The following DGLUCY variants were observed in gnomAD, a reference collection of about 807,000 sequenced individuals.
DGLUCY encodes D-glutamate cyclase.
DGLUCY carries 58 observed loss-of-function variants against 58.5 expected under a neutral mutation model. That is an observed-to-expected ratio of 0.99 (90% CI 0.80 to 1.23). DGLUCY has a LOEUF of 1.23. Ranked by LOEUF, DGLUCY falls within the 50% of genes most tolerant of loss-of-function variation. The pLI is 0.00. For missense variants in DGLUCY, 779 were observed against 784.7 expected, an observed-to-expected ratio of 0.99 and a Z score of 0.09; for synonymous variants, 325 against 314.1, an observed-to-expected ratio of 1.03 and a Z score of -0.37.
chr14:91,075,421 G>T, intron 1 of DGLUCY, among the ~76,000 whole-genome samples: 1 of 152,146 alleles, frequency 6.6e-6, no homozygotes, highest in Admixed American at 6.5e-5. Flanking sequence ...GGGATGGCAG[G>T]CATGAGCCAC....
intron 12 of DGLUCY, among the ~76,000 whole-genome samples, chr14:91,206,168 G>T (rs1884663334): frequency 6.6e-6 from 1 of 151,740 alleles, no homozygotes; most frequent in Non-Finnish European, 1.5e-5. Context: ...CCTTTCTTCA[G>T]CCTTCCACGT....
chr14:91,139,325 A>G (rs1269911957), intron 1 of DGLUCY, among the ~76,000 whole-genome samples: 1 of 152,136 alleles, frequency 6.6e-6, no homozygotes, highest in Non-Finnish European at 1.5e-5. Flanking sequence ...TAAGGATGGG[A>G]TCCTCCTTAC....
In DGLUCY at chr14:91,121,445, T is replaced by C. The variant is rs552241017; in HGVS notation, c.-82+7162T>C. Among the ~76,000 whole-genome samples the C allele has an allele frequency of 5.3e-5, 8 of 152,036 alleles. No individual in the cohort carries two copies. In the East Asian group the frequency reaches 9.6e-4, roughly 18 times the overall value. On this transcript the variant is annotated intron_variant, in intron 1 of 13. Coordinates refer to ENST00000256324, the MANE Select transcript of DGLUCY (RefSeq NM_001102368.3). Reference sequence around the variant, plus strand: ...GGCTCACGCCTGTAATCTCAGCACGTTGGGAGGCCGAGGTGGGTGGATCAC... The same window carrying C: ...GGCTCACGCCTGTAATCTCAGCACGCTGGGAGGCCGAGGTGGGTGGATCAC...
In DGLUCY at chr14:91,179,705, C is replaced by T. The variant is rs181337129; in HGVS notation, c.731-1481C>T. 5.1e-3 allele frequency among the ~76,000 whole-genome samples: 753 copies of T among 148,146 alleles called. 6 individuals are homozygous for T. The highest frequency in any genetic ancestry group is 0.017 in the African/African-American group (664 of 40,066). On this transcript the variant is annotated intron_variant, in intron 7 of 13. Coordinates refer to ENST00000256324, the MANE Select transcript of DGLUCY (RefSeq NM_001102368.3). ...GGCAGAGGTTGCAGTGAGCCGAGAT[C>T]GCACCACTGCACTCCAACCTGGGCG...
At chr14:91,160,542 C>G (rs1434633134) in intron 3 of DGLUCY, 145 bp downstream of exon 3, 3 of 642,892 alleles carry the variant, frequency 4.7e-6, no homozygotes, top group Admixed American at 6.0e-5. Flanking sequence ...GATATTAGCT[C>G]TGGTCACTAT....
chr14:91,069,199 A>C (rs1235798288), intron 1 of DGLUCY, among the ~76,000 whole-genome samples: 1 of 152,206 alleles, frequency 6.6e-6, no homozygotes, highest in African/African-American at 2.4e-5. Context: ...GAAAATGCAG[A>C]CCTCAGACTC....
At position 91,204,705 on chromosome 14, in the gene DGLUCY, G is replaced by C; in HGVS notation, c.1445-1G>C. 2 of 1,613,836 alleles carry C rather than the reference G, an allele frequency of 1.2e-6. No homozygotes were observed. Among genetic ancestry groups the C allele is most frequent in the African/African-American group, 2.7e-5 (2 of 75,044 alleles). On this transcript the variant is annotated splice_acceptor_variant, in intron 11 of 13. Transcript: ENST00000256324. LOFTEE classifies it high-confidence loss of function. Reference sequence around the variant, plus strand: ...ACTGACTCAGCTCCCCTTCCCTTCAGGAGTCGGTGATGGAGGCAACGAGCT... The same window carrying C: ...ACTGACTCAGCTCCCCTTCCCTTCACGAGTCGGTGATGGAGGCAACGAGCT...
rs756906435 is a variant in DGLUCY, at chr14:91,220,763, G to A, written c.1717-3921G>A. Reference sequence around the variant, plus strand: ...CGGGAAGCCTCAGCACCATGTTCCCGCCTGCCTCGTCATTGCCTGTGCCAG... The same window carrying A: ...CGGGAAGCCTCAGCACCATGTTCCCACCTGCCTCGTCATTGCCTGTGCCAG... On this transcript the variant is annotated intron_variant, in intron 13 of 13. Coordinates refer to ENST00000256324, the MANE Select transcript of DGLUCY (RefSeq NM_001102368.3). 1.8e-5 allele frequency: 8 copies of A among 436,702 alleles called. No individual in the cohort carries two copies. The East Asian group carries it at 2.9e-4, about 16-fold the overall frequency. The allele number at this position is 436,702 out of a possible 1,614,324, so 27.1% of individuals were successfully genotyped here.
upstream of DGLUCY, among the ~76,000 whole-genome samples, chr14:91,113,396 G>GT (rs372309762): frequency 3.5e-3 from 535 of 152,314 alleles, 1 homozygote; most frequent in Non-Finnish European, 5.5e-3. Flanking sequence ...GGGTCCAAAG[G>GT]TAAGTCCTGA....
intron 1 of DGLUCY, among the ~76,000 whole-genome samples, chr14:91,064,023 T>G (rs1873322686): frequency 6.6e-6 from 1 of 152,134 alleles, no homozygotes; most frequent in Non-Finnish European, 1.5e-5. Context: ...ATGTTTATAT[T>G]TTGAACTTGA....
chr14:91,124,020 C>A (rs1478743599), intron 1 of DGLUCY, among the ~76,000 whole-genome samples: 2 of 151,580 alleles, frequency 1.3e-5, no homozygotes, highest in African/African-American at 2.4e-5. Context: ...CTCTGCCTCC[C>A]GGGTTCAAGC....
chr14:91,060,393 G>C (rs756873050), exon 1 of DGLUCY: 2 of 1,509,200 alleles, frequency 1.3e-6, no homozygotes, highest in South Asian at 1.3e-5. Context: ...CGTCCGCGCT[G>C]GTCCCCGCGG....
rs1400492557 is a variant in DGLUCY, at chr14:91,204,722, C to T, written c.1461C>T (p.Gly487=). ...GISSTGVGDG[G]NELGMGKVKE... ...TCCCTTCAGGAGTCGGTGATGGAGG[C>T]AACGAGCTTGGGATGGGTAAAGTCA... Residue 487 remains glycine, a synonymous_variant, in exon 12 of 14, where the codon GGC becomes GGT. Coordinates refer to ENST00000256324, the MANE Select transcript of DGLUCY (RefSeq NM_001102368.3). 1.2e-6 allele frequency: 2 copies of T among 1,613,858 alleles called. No individual in the cohort carries two copies. The highest frequency in any genetic ancestry group is 1.3e-5 in the African/African-American group (1 of 74,912).
At chr14:91,211,028 G>T (rs939656549) in intron 12 of DGLUCY, among the ~76,000 whole-genome samples, 1 of 152,156 alleles carries the variant, frequency 6.6e-6, no homozygotes, top group African/African-American at 2.4e-5. Context: ...AAGATACAAA[G>T]TTAAATACTT....
At chr14:91,167,714 A>G (rs1475280454) in intron 4 of DGLUCY, 1 of 700,020 alleles carries the variant, frequency 1.4e-6, no homozygotes, top group Non-Finnish European at 2.6e-6. Flanking sequence ...AAACACTTGC[A>G]TTACCAACAC....
At chr14:91,157,184 T>TG (rs1370361096) in intron 1 of DGLUCY, among the ~76,000 whole-genome samples, 2 of 136,752 alleles carry the variant, frequency 1.5e-5, no homozygotes, top group East Asian at 4.0e-4. Context: ...GATGGATGGA[T>TG]GGGTGGATAG....
At chr14:91,177,909 C>T (rs568841679) in intron 7 of DGLUCY, among the ~76,000 whole-genome samples, 1 of 152,344 alleles carries the variant, frequency 6.6e-6, no homozygotes, top group South Asian at 2.1e-4. Context: ...GTCCTCTGGG[C>T]GCTCATGGTC....
At chr14:91,193,023 A>G (rs2049994361) in intron 9 of DGLUCY, among the ~76,000 whole-genome samples, 1 of 152,072 alleles carries the variant, frequency 6.6e-6, no homozygotes, top group African/African-American at 2.4e-5. Flanking sequence ...GTGGGCTCTC[A>G]AGTCAAACTA....
At chr14:91,195,134 C>T (rs2050125999) in intron 9 of DGLUCY, among the ~76,000 whole-genome samples, 1 of 152,144 alleles carries the variant, frequency 6.6e-6, no homozygotes, top group Non-Finnish European at 1.5e-5. Flanking sequence ...CCATCCTGGG[C>T]TACAGAGCAG....
Sources: allele counts gnomAD v4.1 joint callset (sites outside exome capture counted in the v4.1 genomes callset), GRCh38; gene constraint gnomAD v4.1.1; transcripts MANE v1.5; gene names NCBI Gene and HGNC (gene_info 2026-07-23, HGNC 2026-07-21).